The following ANKRD44 variants were observed in gnomAD, a reference collection of about 807,000 sequenced individuals.
ANKRD44 encodes the protein serine/threonine-protein phosphatase 6 regulatory ankyrin repeat subunit B.
In ANKRD44, 35 loss-of-function variants were observed where a neutral mutation model predicts 116.0. That is an observed-to-expected ratio of 0.30 (90% CI 0.23 to 0.40). The LOEUF (loss-of-function observed/expected upper bound fraction) is 0.40. ANKRD44 is among the 10% of genes least tolerant of loss of function. The pLI is 1.00. For synonymous variants in ANKRD44, 435 were observed against 461.8 expected (o/e 0.94, Z 0.74); for missense variants, 1,014 against 1,242.6 (o/e 0.82, Z 2.77).
intron 16 of ANKRD44, among the ~76,000 whole-genome samples, chr2:197,044,449 C>T (rs2076965759): frequency 6.6e-6 from 1 of 152,120 alleles, no homozygotes; most frequent in South Asian, 2.1e-4. Context: ...TCACTGCAAC[C>T]TCTGCTTCCT....
chr2:197,078,933 A>T, intron 15 of ANKRD44, 119 bp from the exon 16 acceptor site: 1 of 1,019,526 alleles, frequency 9.8e-7, no homozygotes, highest in East Asian at 3.1e-5. Flanking sequence ...TGTTTCTTTA[A>T]AAATCCTACA....
At chr2:197,008,220 T>C (rs1264204147) in intron 19 of ANKRD44, among the ~76,000 whole-genome samples, 1 of 152,222 alleles carries the variant, frequency 6.6e-6, no homozygotes, top group African/African-American at 2.4e-5. Context: ...TAGCATTTAC[T>C]AGATATCAAG....
chr2:197,020,373 G>A (rs773592436), intron 17 of ANKRD44, among the ~76,000 whole-genome samples: 4 of 152,150 alleles, frequency 2.6e-5, no homozygotes, highest in Non-Finnish European at 5.9e-5. Flanking sequence ...CCCTCTTAAA[G>A]ACAGAATGGT....
chr2:196,978,785 CT>C (rs144019828), intron 21 of ANKRD44, among the ~76,000 whole-genome samples: 42 of 145,862 alleles, frequency 2.9e-4, no homozygotes, highest in East Asian at 6.0e-4. Context: ...CTCAATGGAG[CT>C]TTTTTTTTTC....
chr2:197,040,268 A>C (rs750824181), intron 16 of ANKRD44, among the ~76,000 whole-genome samples: 3 of 147,896 alleles, frequency 2.0e-5, no homozygotes, highest in Non-Finnish European at 4.5e-5. Context: ...CAAAACAAAA[A>C]AACAGGCCCA....
chr2:197,098,380 C>T (rs2078212139), intron 10 of ANKRD44, among the ~76,000 whole-genome samples: 2 of 152,158 alleles, frequency 1.3e-5, no homozygotes, highest in East Asian at 3.8e-4. Context: ...TTCATGATCC[C>T]ACTGCGTCTT....
At chr2:197,185,559 A>G (rs2080634948) in intron 2 of ANKRD44, among the ~76,000 whole-genome samples, 3 of 152,268 alleles carry the variant, frequency 2.0e-5, no homozygotes, top group African/African-American at 7.2e-5. Context: ...GAGAATTAGT[A>G]GCATGTACTG....
intron 4 of ANKRD44, among the ~76,000 whole-genome samples, chr2:197,128,679 T>C (rs889395100): frequency 2.0e-5 from 3 of 152,242 alleles, no homozygotes; most frequent in Non-Finnish European, 4.4e-5. Flanking sequence ...TTGCTGCAAT[T>C]GCTTTTGGTG....
At chr2:197,288,522 G>A (rs1243728517) in intron 1 of ANKRD44, among the ~76,000 whole-genome samples, 2 of 152,292 alleles carry the variant, frequency 1.3e-5, no homozygotes, top group East Asian at 1.9e-4. Context: ...ATGTAAAAGG[G>A]ATAGCTGCAC....
chr2:197,308,253 C>T (rs1209125131), intron 1 of ANKRD44, among the ~76,000 whole-genome samples: 4 of 151,952 alleles, frequency 2.6e-5, no homozygotes, highest in African/African-American at 9.7e-5. Context: ...CCTGTACAAA[C>T]TCTAAGGCAG....
downstream of ANKRD44, among the ~76,000 whole-genome samples, chr2:196,985,234 A>G (rs2075828617): frequency 6.6e-6 from 1 of 152,230 alleles, no homozygotes; most frequent in Non-Finnish European, 1.5e-5. Context: ...TCCCAGGCCA[A>G]CACCATGATT....
At chr2:196,981,633 C>T (rs1012358301) in intron 21 of ANKRD44, among the ~76,000 whole-genome samples, 3 of 151,886 alleles carry the variant, frequency 2.0e-5, no homozygotes, top group South Asian at 2.1e-4. Context: ...TTTAAAAATC[C>T]GCCAAGTGTG....
At chr2:197,051,076 C>A (rs895706914) in intron 16 of ANKRD44, among the ~76,000 whole-genome samples, 2 of 151,692 alleles carry the variant, frequency 1.3e-5, no homozygotes, top group South Asian at 4.2e-4. Flanking sequence ...GATCCTCCCA[C>A]CTCAGCCTCC....
intron 6 of ANKRD44, among the ~76,000 whole-genome samples, chr2:197,123,356 AC>A (rs1228498423): frequency 6.6e-6 from 1 of 152,122 alleles, no homozygotes; most frequent in Non-Finnish European, 1.5e-5. Context: ...CAAACAGAAA[AC>A]CCTTCTAGTT....
At chr2:196,991,881 C>T (rs2075924345) in intron 27 of ANKRD44, among the ~76,000 whole-genome samples, 1 of 152,098 alleles carries the variant, frequency 6.6e-6, no homozygotes, top group Non-Finnish European at 1.5e-5. Context: ...CGTGAGCCAT[C>T]ACACCTGGCC....
At chr2:197,218,628 C>A (rs1374317788) in intron 1 of ANKRD44, among the ~76,000 whole-genome samples, 2 of 152,064 alleles carry the variant, frequency 1.3e-5, no homozygotes, top group East Asian at 3.8e-4. Flanking sequence ...TGATGAAAAC[C>A]TGTACTTTTG....
chr2:197,186,764 A>C (rs2080682852), intron 2 of ANKRD44, among the ~76,000 whole-genome samples: 1 of 150,974 alleles, frequency 6.6e-6, no homozygotes, highest in Non-Finnish European at 1.5e-5. Context: ...CCCAGCCTAA[A>C]TGTGTTATTT....
At chr2:197,006,480 T>C (rs1343695368) in intron 20 of ANKRD44, among the ~76,000 whole-genome samples, 2 of 152,078 alleles carry the variant, frequency 1.3e-5, no homozygotes, top group Non-Finnish European at 2.9e-5. Flanking sequence ...GATGCAGCAG[T>C]AAACATGAGT....
At chr2:197,276,644 C>A (rs1178854157) in intron 1 of ANKRD44, among the ~76,000 whole-genome samples, 2 of 151,974 alleles carry the variant, frequency 1.3e-5, no homozygotes, top group Non-Finnish European at 1.5e-5. Context: ...CATGTTGTTT[C>A]TCCTTTATAT....
Sources: allele counts gnomAD v4.1 joint callset (sites outside exome capture counted in the v4.1 genomes callset), GRCh38; gene constraint gnomAD v4.1.1; transcripts MANE v1.5; gene names NCBI Gene and HGNC (gene_info 2026-07-23, HGNC 2026-07-21).